Variants in MLPH observed in about 807,000 individuals in gnomAD.
MLPH encodes the protein exophilin-3.
A neutral mutation model predicts 72.1 loss-of-function variants in MLPH; 51 were observed. The observed-to-expected ratio is 0.71, with a 90% confidence interval of 0.56 to 0.89. The LOEUF (loss-of-function observed/expected upper bound fraction) is 0.89, where lower values mean the gene tolerates loss of function less well. Ranked by LOEUF, MLPH falls within the 40% of genes least tolerant of loss-of-function variation. MLPH has a pLI of 0.00. For synonymous variants in MLPH, 301 were observed against 310.1 expected (o/e 0.97, Z 0.31); for missense variants, 743 against 759.9 (o/e 0.98, Z 0.26).
At chr2:237,514,089 A>G (rs2079964254) in intron 4 of MLPH, among the ~76,000 whole-genome samples, 1 of 152,072 alleles carries the variant, frequency 6.6e-6, no homozygotes, top group African/African-American at 2.4e-5. Flanking sequence ...TGGAAAGAAG[A>G]TTATATAACA....
intron 9 of MLPH, among the ~76,000 whole-genome samples, chr2:237,537,118 C>T (rs992080949): frequency 1.3e-5 from 2 of 152,358 alleles, no homozygotes; most frequent in Non-Finnish European, 1.5e-5. Flanking sequence ...CTGTCAGGGG[C>T]TCTCAGGGCT....
chr2:237,540,529 C>T lies in MLPH; in HGVS notation c.1286C>T (p.Pro429Leu), dbSNP rs372579688. 28 of 1,610,226 alleles carry T rather than the reference C, an allele frequency of 1.7e-5. No homozygotes were observed. Among genetic ancestry groups the T allele is most frequent in the East Asian group, 2.2e-5 (1 of 44,828 alleles). The change falls in exon 10 of 16, where the codon CCG (proline) becomes CTG (leucine). Residue 429 changes from proline (P) to leucine (L), a missense_variant. Physicochemically the swap from Pro to Leu is moderately conservative, Grantham distance 98. Coordinates refer to ENST00000264605, the MANE Select transcript of MLPH (RefSeq NM_024101.7). ...GTTGGGCCTCTCCCCCAGGCGGACC[C>T]GGAGGTAAGACTATCCCCCAGAGGT... ...KSVGPLPQADPEVGTAAHQTN... is the reference protein window; with the variant it reads ...KSVGPLPQADLEVGTAAHQTN...
At chr2:237,525,484 T>C (rs1023655591) in intron 6 of MLPH, 117 bp from the exon 7 acceptor site, 5 of 968,668 alleles carry the variant, frequency 5.2e-6, no homozygotes, top group Non-Finnish European at 8.1e-6. Context: ...GGGTGCCTAG[T>C]GCTGGGTCAG....
Position 237,510,924 on chromosome 2 carries a change from TGA to T in MLPH, c.333-62_333-61del, listed in dbSNP as rs1485146895. The T allele has an allele frequency of 1.7e-5, 24 of 1,452,596 alleles. No individual in the cohort carries two copies. In the African/African-American group the frequency reaches 1.8e-4, roughly 11 times the overall value. The allele number at this position is 1,452,596 out of a possible 1,614,324, so 90.0% of individuals were successfully genotyped here. On this transcript the variant is annotated intron_variant, in intron 3 of 15. Transcript: ENST00000264605. This position sits in a 1 kb window ranked among gnomAD's most constrained non-coding sequence, Gnocchi z 4.4. ...TCGTGTGTGTGTGTGTGTGTGTGTG[TGA>T]GATTTATGCAGGCCTGTGTACAGCA...
rs761254661 is a variant in MLPH, at chr2:237,527,503, C to T, written c.1007C>T (p.Ser336Phe). The T allele has an allele frequency of 3.7e-6, 6 of 1,614,184 alleles. No individual in the cohort carries two copies. The highest frequency in any genetic ancestry group is 5.1e-6 in the Non-Finnish European group (6 of 1,180,042). Residue 336 changes from serine to phenylalanine, a missense_variant, in exon 8 of 16, where the codon TCT (serine) becomes TTT (phenylalanine). Ser to Phe is a radical substitution (Grantham distance 155). Transcript: ENST00000264605. ...CATTCCAAGCGGAGAGGCCGGGCGT[C>T]TTCTGAGAGTCAGGTAACGGTGGCT... ...SHHSKRRGRA[S>F]SESQIFELNK...
At chr2:237,542,836 T>TG (rs1247125636) in intron 12 of MLPH, among the ~76,000 whole-genome samples, 177 bp downstream of exon 12, 1 of 13,464 alleles carries the variant, frequency 7.4e-5, no homozygotes, top group Non-Finnish European at 1.0e-4. Context: ...CAGTGGTGAG[T>TG]GGGGGACAGT....
In MLPH at chr2:237,519,890, C is replaced by T. The variant is rs878976638; in HGVS notation, c.556-20C>T. Reference sequence around the variant, plus strand: ...AAGCTAGCCCTGACTTGAGTCTTGCCCTGTCTTGTGCCTGCTAAGAAAAAG... The same window carrying T: ...AAGCTAGCCCTGACTTGAGTCTTGCTCTGTCTTGTGCCTGCTAAGAAAAAG... On this transcript the variant is annotated intron_variant, in intron 5 of 15. Transcript: ENST00000264605. The T allele has an allele frequency of 6.2e-7, 1 of 1,613,788 alleles. No homozygotes were observed. The highest frequency in any genetic ancestry group is 8.5e-7 in the Non-Finnish European group (1 of 1,179,996).
Position 237,525,652 on chromosome 2 carries a change from G to A in MLPH, c.727G>A (p.Gly243Ser). The A allele has an allele frequency of 6.2e-7, 1 of 1,614,126 alleles. No homozygotes were observed. The highest frequency in any genetic ancestry group is 8.5e-7 in the Non-Finnish European group (1 of 1,180,028). ...GAAGGCAGCCCCTCACAAGGCTGAGGGCCTGGAGGAGGCTGATACTGGGGC... is the reference window on the plus strand; with the variant it reads ...GAAGGCAGCCCCTCACAAGGCTGAGAGCCTGGAGGAGGCTGATACTGGGGC... Reference protein sequence around the residue: ...SEKAAPHKAEGLEEADTGASG... With the variant: ...SEKAAPHKAESLEEADTGASG... The change falls in exon 7 of 16, where the codon GGC (glycine) becomes AGC (serine). Residue 243 changes from glycine to serine, a missense_variant. Transcript: ENST00000264605.
chr2:237,542,570 T>G lies in MLPH; in HGVS notation c.1450T>G (p.Ser484Ala). The change falls in exon 12 of 16, where the codon TCA becomes GCA. Residue 484 changes from serine to alanine, a missense_variant. Physicochemically the swap from Ser to Ala is moderately conservative, Grantham distance 99. Coordinates refer to ENST00000264605, the MANE Select transcript of MLPH (RefSeq NM_024101.7). ...TCTGTCTGCTGTCCTCTCGCAGGTTTCAGACATTGAATCCAGGATTGCAGC... is the reference window on the plus strand; with the variant it reads ...TCTGTCTGCTGTCCTCTCGCAGGTTGCAGACATTGAATCCAGGATTGCAGC... ...SEVQQAESEV[S>A]DIESRIAALR... The G allele has an allele frequency of 6.3e-7, 1 of 1,599,820 alleles. No individual in the cohort carries two copies. Among genetic ancestry groups the G allele is most frequent in the Non-Finnish European group, 8.5e-7 (1 of 1,173,906 alleles).
chr2:237,545,184 A>ACAGTGGTGAGTGGG, intron 12 of MLPH, among the ~76,000 whole-genome samples: 1 of 3,368 alleles, frequency 3.0e-4, no homozygotes, highest in East Asian at 9.1e-3. Context: ...TGGTGAGTGG[A>ACAGTGGTGAGTGGG]GGGCACAGTG....
At chr2:237,539,789 G>A (rs1236170886) in intron 9 of MLPH, among the ~76,000 whole-genome samples, 1 of 152,194 alleles carries the variant, frequency 6.6e-6, no homozygotes, top group South Asian at 2.1e-4. Context: ...CCTGCCGAAG[G>A]TCACATGGCC....
chr2:237,511,281 T>C, intron 4 of MLPH, 180 bp downstream of exon 4: 3 of 574,590 alleles, frequency 5.2e-6, no homozygotes, highest in Non-Finnish European at 9.3e-6. Context: ...TTTTTTTTTT[T>C]TTTAATTTTT....
intron 1 of MLPH, among the ~76,000 whole-genome samples, chr2:237,487,694 G>GA (rs1559326963): frequency 6.6e-6 from 1 of 152,220 alleles, no homozygotes; most frequent in Non-Finnish European, 1.5e-5. Context: ...GATGGCGGGG[G>GA]ATCCCCATTT....
chr2:237,536,688 C>T (rs1016665877), intron 9 of MLPH, among the ~76,000 whole-genome samples: 1 of 152,174 alleles, frequency 6.6e-6, no homozygotes, highest in African/African-American at 2.4e-5. Flanking sequence ...ACTCGGGCCT[C>T]GGCTCTGCCT....
chr2:237,497,510 G>C (rs2079559118), intron 2 of MLPH, among the ~76,000 whole-genome samples: 1 of 152,212 alleles, frequency 6.6e-6, no homozygotes, highest in African/African-American at 2.4e-5. Context: ...TCAGGTGCAG[G>C]TGACTTGAGC....
At chr2:237,549,110 T>C (rs2080980607) in intron 13 of MLPH, 111 bp from the exon 14 acceptor site, 1 of 915,286 alleles carries the variant, frequency 1.1e-6, no homozygotes, top group Admixed American at 2.0e-5. Context: ...GAGCAGAAAA[T>C]AGTGGCCATG....
Position 237,510,913 on chromosome 2 carries a change from G to T in MLPH, c.333-76G>T, listed in dbSNP as rs777079776. On this transcript the variant is annotated intron_variant, in intron 3 of 15. Transcript: ENST00000264605. The surrounding 1 kb of genome is among the most constrained non-coding windows in gnomAD (Gnocchi z 4.4). ...CATGCACACACTCGTGTGTGTGTGT[G>T]TGTGTGTGTGTGAGATTTATGCAGG... 2.0e-6 allele frequency: 3 copies of T among 1,501,944 alleles called. No homozygotes were observed. The South Asian group carries it at 3.4e-5, about 17-fold the overall frequency. 93.0% of individuals were successfully genotyped at this position (1,501,944 alleles called of 1,614,324 possible). A position where few individuals can be genotyped will look rare whatever the true frequency, so the allele number is the denominator to read the frequency against.
At chr2:237,519,598 G>A (rs2080132775) in intron 5 of MLPH, among the ~76,000 whole-genome samples, 2 of 152,266 alleles carry the variant, frequency 1.3e-5, no homozygotes, top group African/African-American at 4.8e-5. Context: ...CAGCTTGCCT[G>A]CCCCCTAGGC....
Position 237,502,540 on chromosome 2 carries a change from T to C in MLPH, c.111-8034T>C, listed in dbSNP as rs527538874. Among the ~76,000 whole-genome samples the C allele has an allele frequency of 5.3e-5, 8 of 152,344 alleles. No homozygotes were observed. In the South Asian group the frequency reaches 1.7e-3, roughly 32 times the overall value. On this transcript the variant is annotated intron_variant, in intron 2 of 15. Transcript: ENST00000264605. ...TAGGGTAGCCCCTCAGCTGTGGTTA[T>C]GGTAGAAATTAATGGATATTCTCCA...
Sources: gnomAD v4.1 joint callset for allele counts (sites outside exome capture counted in the v4.1 genomes callset) on GRCh38, gnomAD v4.1.1 for gene constraint, Gnocchi (gnomAD v3.1) non-coding constraint, MANE v1.5 for transcripts, NCBI Gene and HGNC (gene_info 2026-07-23, HGNC 2026-07-21) for gene names.